FGF13: variants seen among roughly 807,000 people sequenced by gnomAD.
FGF13 encodes fibroblast growth factor 13.
FGF13 carries 2 observed loss-of-function variants against 19.5 expected under a neutral mutation model. The observed-to-expected ratio is 0.10, with a 90% CI of 0.04 to 0.32. The LOEUF is 0.32. FGF13 is among the 10% of genes least tolerant of loss of function. The probability of loss-of-function intolerance (pLI) is 1.00; values close to 1 mark genes in which losing one functional copy is unlikely to be tolerated. For missense variants in FGF13, 113 were observed against 192.7 expected (o/e 0.59, Z 2.45); for synonymous variants, 72 against 76.9 (o/e 0.94, Z 0.33).
At chrX:138,932,291 G>A (rs1362254732) in intron 1 of FGF13, among the ~76,000 whole-genome samples, 4 of 112,007 alleles carry the variant, frequency 3.6e-5, no homozygotes, top group African/African-American at 6.5e-5. Flanking sequence ...CCATTAAAAC[G>A]AAACCCCAGC....
intron 1 of FGF13, among the ~76,000 whole-genome samples, chrX:139,002,304 C>A (rs1569439789): frequency 9.0e-6 from 1 of 110,669 alleles, no homozygotes; most frequent in Admixed American, 9.6e-5. Context: ...CAAACATGCA[C>A]GTTGTACACA....
intron 1 of FGF13, among the ~76,000 whole-genome samples, chrX:139,125,328 G>T (rs112184650): frequency 0.01 from 1,138 of 111,813 alleles, 5 homozygotes; most frequent in Non-Finnish European, 0.016. Context: ...AATTTTTTTG[G>T]CAATAAAAAG....
chrX:138,778,050 C>G (rs1361416370), intron 3 of FGF13, among the ~76,000 whole-genome samples: 3 of 111,638 alleles, frequency 2.7e-5, no homozygotes, highest in Non-Finnish European at 5.6e-5. Flanking sequence ...GGGGTAGGAG[C>G]CAAGATGGCC....
chrX:138,694,117 C>G (rs933671506), intron 3 of FGF13, among the ~76,000 whole-genome samples: 5 of 111,614 alleles, frequency 4.5e-5, no homozygotes, highest in African/African-American at 6.5e-5. Context: ...AGATGCAAAG[C>G]CATACCATTG....
At chrX:139,043,899 T>C (rs928165073) in intron 1 of FGF13, among the ~76,000 whole-genome samples, 7 of 112,019 alleles carry the variant, frequency 6.2e-5, no homozygotes, top group South Asian at 7.4e-4. Flanking sequence ...GCTATTCATA[T>C]GAAATTTCCA....
At chrX:139,168,855 T>C (rs982468088) in intron 1 of FGF13, among the ~76,000 whole-genome samples, 1 of 112,218 alleles carries the variant, frequency 8.9e-6, no homozygotes, top group Non-Finnish European at 1.9e-5. Flanking sequence ...AGGACATAAC[T>C]GAAAATATAA....
At chrX:138,830,866 T>C (rs1463829843) in intron 3 of FGF13, among the ~76,000 whole-genome samples, 1 of 110,481 alleles carries the variant, frequency 9.1e-6, no homozygotes, top group Non-Finnish European at 1.9e-5. Flanking sequence ...ATGGGAGAAA[T>C]ATCCTGAAGG....
chrX:138,746,998 C>A (rs551263231), intron 3 of FGF13, among the ~76,000 whole-genome samples: 198 of 111,405 alleles, frequency 1.8e-3, no homozygotes, highest in South Asian at 3.8e-3. Context: ...CCCTCGTAAC[C>A]AGGGCAGACT....
At chrX:138,701,554 T>C (rs1410187667) in intron 3 of FGF13, among the ~76,000 whole-genome samples, 1 of 112,510 alleles carries the variant, frequency 8.9e-6, no homozygotes, top group Non-Finnish European at 1.9e-5. Context: ...ACCAGACCAC[T>C]GAAATTGCCT....
chrX:138,763,543 A>G (rs1351776573), intron 3 of FGF13, among the ~76,000 whole-genome samples: 1 of 112,280 alleles, frequency 8.9e-6, no homozygotes, highest in African/African-American at 3.2e-5. Context: ...CTAAGACCCT[A>G]AAGTCAACAT....
chrX:139,174,572 A>G (rs1482062308), intron 1 of FGF13, among the ~76,000 whole-genome samples: 1 of 112,028 alleles, frequency 8.9e-6, no homozygotes, highest in African/African-American at 3.2e-5. Context: ...TAATTTTTGT[A>G]TAAGATGTAA....
intron 1 of FGF13, among the ~76,000 whole-genome samples, chrX:138,871,714 C>T (rs760842341): frequency 1.8e-5 from 2 of 111,009 alleles, no homozygotes; most frequent in African/African-American, 6.5e-5. Context: ...AAAGAGTTTC[C>T]AGTAGAAGTA....
intron 1 of FGF13, among the ~76,000 whole-genome samples, chrX:139,042,561 T>G (rs147292007): frequency 0.012 from 972 of 81,577 alleles, 17 homozygotes; most frequent in African/African-American, 0.038. Flanking sequence ...GCTATTAACA[T>G]GCATTTATGT....
intron 1 of FGF13, among the ~76,000 whole-genome samples, chrX:138,878,974 C>T (rs376582938): frequency 4.5e-5 from 5 of 111,343 alleles, no homozygotes; most frequent in Admixed American, 2.9e-4. Flanking sequence ...CTGTTCATAT[C>T]CTTCGCCCAC....
chrX:138,968,488 T>C (rs1339697251), intron 1 of FGF13, among the ~76,000 whole-genome samples: 1 of 112,310 alleles, frequency 8.9e-6, no homozygotes, highest in East Asian at 2.8e-4. Flanking sequence ...CTTCCTCCTT[T>C]CTTCTTCCCT....
chrX:138,974,092 C>T (rs1394656706), intron 1 of FGF13, among the ~76,000 whole-genome samples: 1 of 111,676 alleles, frequency 9.0e-6, no homozygotes, highest in East Asian at 2.8e-4. Flanking sequence ...ATGACATAAC[C>T]ATGCCCTTGG....
intron 3 of FGF13, among the ~76,000 whole-genome samples, chrX:138,830,790 T>G (rs1236125739): frequency 3.8e-5 from 4 of 106,588 alleles, no homozygotes. Flanking sequence ...TCAAAGGTAT[T>G]GCCAAGCAAC....
At position 138,913,182 on chromosome X, in the gene FGF13, C is replaced by CTTTTTTTTT. The variant is rs35078012; in HGVS notation, c.-112-48541_-112-48533dup. Among the ~76,000 whole-genome samples, 6 of 37,093 alleles carry CTTTTTTTTT rather than the reference C, an allele frequency of 1.6e-4. 1 individual carries two copies. Among genetic ancestry groups the CTTTTTTTTT allele is most frequent in the African/African-American group, 6.3e-4 (5 of 8,000 alleles). 32.2% of individuals were successfully genotyped at this position (37,093 alleles called of 115,157 possible). A position where few individuals can be genotyped will look rare whatever the true frequency, so the allele number is the denominator to read the frequency against. ...TGCACCTGGAAAGAAAAAGCATCTA[C>CTTTTTTTTT]TTTTTTTTTTTTTTTTTTTTTTTTT... On this transcript the variant is annotated intron_variant, in intron 1 of 2. Transcript: ENST00000421460.
At position 138,617,827 on chromosome X, in the gene FGF13, C is replaced by T. The variant is rs982751119; in HGVS notation, c.*15023G>A. ...CATGGTGGCACACGCCTTGTAGTCC[C>T]AGCTACTTGGGAGGCTGAAGTGGGA... On this transcript the variant is annotated 3_prime_UTR_variant, in exon 5 of 5. Transcript: ENST00000315930. 9.1e-6 allele frequency: 1 copy of T among 110,327 alleles called. No individual in the cohort carries two copies. The highest frequency in any genetic ancestry group is 2.9e-4 in the East Asian group (1 of 3,506). The allele number at this position is 110,327 out of a possible 1,213,427, so 9.1% of individuals were successfully genotyped here.
Sources: gnomAD v4.1 joint callset for allele counts (sites outside exome capture counted in the v4.1 genomes callset) on GRCh38, gnomAD v4.1.1 for gene constraint, MANE v1.5 for transcripts, NCBI Gene and HGNC (gene_info 2026-07-23, HGNC 2026-07-21) for gene names.